The following NRG3 variants were observed in gnomAD, a reference collection of about 807,000 sequenced individuals.
The protein encoded by NRG3 is pro-neuregulin-3, membrane-bound isoform.
Under a neutral mutation model 66.9 loss-of-function variants are expected in NRG3, and 31 were observed. The observed-to-expected ratio is 0.46, with a 90% CI of 0.35 to 0.63. The LOEUF is 0.63. Ranked by LOEUF, NRG3 falls within the 20% of genes least tolerant of loss-of-function variation. The pLI is 0.00. For missense variants in NRG3, 910 were observed against 878.9 expected (o/e 1.04, Z -0.45); for synonymous variants, 393 against 359.4 (o/e 1.09, Z -1.06).
intron 2 of NRG3, among the ~76,000 whole-genome samples, chr10:82,571,959 T>C (rs911491233): frequency 6.6e-6 from 1 of 151,628 alleles, no homozygotes; most frequent in African/African-American, 2.4e-5. Context: ...AGGTAATAAC[T>C]CTTACTTCTC....
At chr10:82,166,817 T>TA (rs1351715514) in intron 1 of NRG3, 8 of 672,420 alleles carry the variant, frequency 1.2e-5, no homozygotes, top group Non-Finnish European at 2.2e-5. Flanking sequence ...GACGAATTCA[T>TA]ACAAATTTTG....
At chr10:82,123,534 C>A (rs151246874) in intron 1 of NRG3, among the ~76,000 whole-genome samples, 1 of 152,258 alleles carries the variant, frequency 6.6e-6, no homozygotes, top group African/African-American at 2.4e-5. Context: ...GATAACCCTG[C>A]TGAGGACGGA....
In NRG3 at chr10:82,280,028, C is replaced by A. The variant is rs563145719; in HGVS notation, c.824-78711C>A. Among the ~76,000 whole-genome samples the A allele has an allele frequency of 4.6e-5, 7 of 152,170 alleles. No individual in the cohort carries two copies. The South Asian group carries it at 6.2e-4, about 14-fold the overall frequency. On this transcript the variant is annotated intron_variant, in intron 1 of 8. Transcript: ENST00000372141. ...CAGGCTGATTTAGTGGCTGTTCTAT[C>A]AGGAGTTTCCAGTGGGCAGGGGGAT...
At chr10:82,802,966 C>A (rs949922358) in intron 3 of NRG3, among the ~76,000 whole-genome samples, 2 of 152,138 alleles carry the variant, frequency 1.3e-5, no homozygotes, top group Admixed American at 1.3e-4. Context: ...AAACATCGCA[C>A]CCAGCCTCCC....
At position 82,190,868 on chromosome 10, in the gene NRG3, C is replaced by T. The variant is rs376281896; in HGVS notation, c.824-167871C>T. Among the ~76,000 whole-genome samples the T allele has an allele frequency of 2.8e-4, 43 of 152,286 alleles. 1 individual carries two copies. The East Asian group carries it at 8.1e-3, about 29-fold the overall frequency. On this transcript the variant is annotated intron_variant, in intron 1 of 8. Transcript: ENST00000372141. ...CCGTATCTGTTTTCTTCTCATTTTT[C>T]CCCTCATGCACACATGTTGGCCCAG...
At chr10:82,863,168 T>C (rs1344457705) in intron 3 of NRG3, among the ~76,000 whole-genome samples, 1 of 152,222 alleles carries the variant, frequency 6.6e-6, no homozygotes, top group African/African-American at 2.4e-5. Flanking sequence ...GTTTCATCTA[T>C]GTCCCTGCAA....
Position 81,875,754 on chromosome 10 carries a change from C to T in NRG3, c.414C>T (p.Ala138=). 1 of 1,612,636 alleles carries T rather than the reference C, an allele frequency of 6.2e-7. No homozygotes were observed. The highest frequency in any genetic ancestry group is 8.5e-7 in the Non-Finnish European group (1 of 1,179,732). ...TTTTTSTTSP[A]TPSAGGAASS... ...CTACCACTTCCACCACGTCCCCCGC[C>T]ACCCCCTCCGCCGGGGGTGCCGCCT... Residue 138 remains alanine (A), a synonymous_variant, in exon 1 of 9, where the codon GCC becomes GCT. Transcript: ENST00000372141. This position sits in a 1 kb window ranked among gnomAD's most constrained non-coding sequence, Gnocchi z 5.3.
intron 2 of NRG3, among the ~76,000 whole-genome samples, chr10:82,617,372 A>G (rs1418727589): frequency 6.6e-6 from 1 of 151,866 alleles, no homozygotes; most frequent in East Asian, 1.9e-4. Context: ...CATGGCACAC[A>G]CAGACACAAA....
At chr10:82,608,636 C>T (rs930681656) in intron 2 of NRG3, among the ~76,000 whole-genome samples, 1 of 152,132 alleles carries the variant, frequency 6.6e-6, no homozygotes, top group Non-Finnish European at 1.5e-5. Context: ...TGTCTCTGGG[C>T]TGTCACTTCT....
At chr10:82,959,251 T>C (rs1407147127) in intron 6 of NRG3, among the ~76,000 whole-genome samples, 176 bp downstream of exon 6, 1 of 152,198 alleles carries the variant, frequency 6.6e-6, no homozygotes, top group Non-Finnish European at 1.5e-5. Context: ...TATGTATGCA[T>C]CAGATAAAAG....
At chr10:82,093,268 AC>A (rs1471258500) in intron 1 of NRG3, among the ~76,000 whole-genome samples, 1 of 152,186 alleles carries the variant, frequency 6.6e-6, no homozygotes, top group Non-Finnish European at 1.5e-5. Context: ...TCCCACAGCA[AC>A]TTGGTATATA....
At chr10:82,623,001 G>A (rs1187335410) in intron 2 of NRG3, among the ~76,000 whole-genome samples, 1 of 151,512 alleles carries the variant, frequency 6.6e-6, no homozygotes, top group Non-Finnish European at 1.5e-5. Flanking sequence ...TAACCCCATT[G>A]TAAGTTAAGG....
At chr10:82,441,231 A>G (rs563766570) in intron 2 of NRG3, among the ~76,000 whole-genome samples, 1 of 152,360 alleles carries the variant, frequency 6.6e-6, no homozygotes, top group South Asian at 2.1e-4. Flanking sequence ...GTTAACTTTA[A>G]AAAACAAACA....
At chr10:82,102,393 C>CT (rs1040736927) in intron 1 of NRG3, among the ~76,000 whole-genome samples, 9 of 149,876 alleles carry the variant, frequency 6.0e-5, no homozygotes, top group Admixed American at 3.3e-4. Context: ...ATAGTAGGGC[C>CT]TTTTTTTAAT....
chr10:81,978,295 G>A (rs550979860), intron 1 of NRG3, among the ~76,000 whole-genome samples: 1 of 152,116 alleles, frequency 6.6e-6, no homozygotes, highest in African/African-American at 2.4e-5. Flanking sequence ...GAAGGAACTA[G>A]TTAATTATCC....
At chr10:82,237,660 C>T (rs1303074405) in intron 1 of NRG3, among the ~76,000 whole-genome samples, 2 of 151,966 alleles carry the variant, frequency 1.3e-5, no homozygotes, top group African/African-American at 2.4e-5. Context: ...GGCAAATTTA[C>T]CTCTCCCCAG....
intron 3 of NRG3, among the ~76,000 whole-genome samples, chr10:82,740,972 A>G (rs1158736020): frequency 6.6e-6 from 1 of 152,138 alleles, no homozygotes; most frequent in Non-Finnish European, 1.5e-5. Flanking sequence ...AAAATGTTGT[A>G]AGGACGTGGA....
At chr10:82,587,399 A>T (rs184791994) in intron 2 of NRG3, among the ~76,000 whole-genome samples, 84 of 152,310 alleles carry the variant, frequency 5.5e-4, no homozygotes, top group Middle Eastern at 3.4e-3. Flanking sequence ...TTAATTCTTT[A>T]GATTAATTAT....
chr10:82,237,227 C>A (rs1373218651), intron 1 of NRG3, among the ~76,000 whole-genome samples: 2 of 152,058 alleles, frequency 1.3e-5, no homozygotes, highest in African/African-American at 4.8e-5. Context: ...GCTTTTAAGA[C>A]CAAATTATTT....
Sources: gnomAD v4.1 joint callset for allele counts (sites outside exome capture counted in the v4.1 genomes callset) on GRCh38, gnomAD v4.1.1 for gene constraint, Gnocchi (gnomAD v3.1) non-coding constraint, MANE v1.5 for transcripts, NCBI Gene and HGNC (gene_info 2026-07-23, HGNC 2026-07-21) for gene names.